The following AGAP1 variants were observed in gnomAD, a reference collection of about 807,000 sequenced individuals.
The protein encoded by AGAP1 is ArfGAP with GTPase domain, ankyrin repeat and PH domain 1, also known as arf-GAP with GTPase, ANK repeat and PH domain-containing protein 1.
AGAP1 carries 29 observed loss-of-function variants against 105.3 expected under a neutral mutation model. That is an observed-to-expected ratio of 0.28 (90% CI 0.21 to 0.38). The LOEUF (loss-of-function observed/expected upper bound fraction) is 0.38. Ranked by LOEUF, AGAP1 falls within the 10% of genes least tolerant of loss-of-function variation. The probability of loss-of-function intolerance (pLI) is 1.00; values close to 1 mark genes in which losing one functional copy is unlikely to be tolerated. For synonymous variants in AGAP1, 509 were observed against 485.9 expected, an observed-to-expected ratio of 1.05 and a Z score of -0.63; for missense variants, 998 against 1,165.1, an observed-to-expected ratio of 0.86 and a Z score of 2.09.
chr2:235,532,521 C>T (rs914477228), intron 1 of AGAP1, among the ~76,000 whole-genome samples: 27 of 152,154 alleles, frequency 1.8e-4, no homozygotes, highest in Admixed American at 1.3e-3. Context: ...TTGTGTTTTA[C>T]GAGGGTTGTA....
chr2:235,971,741 T>TTTTATTTA lies in AGAP1; in HGVS notation c.1645+3157_1645+3164dup, dbSNP rs199729717. 0.018 allele frequency among the ~76,000 whole-genome samples: 2,648 copies of TTTTATTTA among 145,692 alleles called. 60 individuals are homozygous for TTTTATTTA. The highest frequency in any genetic ancestry group is 0.053 in the African/African-American group (2,070 of 38,890). The stretch of plus-strand genomic sequence containing the variant: ...ACTAAAGCTAGTTATATATGTTTTA[T>TTTTATTTA]TTTATTTATTTATTTATTTATTTAT... On this transcript the variant is annotated intron_variant, in intron 13 of 17. Coordinates refer to ENST00000304032, the MANE Select transcript of AGAP1 (RefSeq NM_001037131.3). This position sits in a 1 kb window ranked among gnomAD's most constrained non-coding sequence, Gnocchi z 4.8.
chr2:235,973,340 C>T lies in AGAP1; in HGVS notation c.1645+4717C>T, dbSNP rs1226610380. Among the ~76,000 whole-genome samples the T allele has an allele frequency of 3.9e-5, 6 of 152,168 alleles. No homozygotes were observed. Among genetic ancestry groups the T allele is most frequent in the African/African-American group, 7.2e-5 (3 of 41,438 alleles). On this transcript the variant is annotated intron_variant, in intron 13 of 17. Transcript: ENST00000304032. The surrounding 1 kb of genome is among the most constrained non-coding windows in gnomAD (Gnocchi z 4.7). Reference sequence around the variant, plus strand: ...ATCTGGAAAGTTACAGAAGCAGGGACGGTGACTGGAGAATCCCTTATCTTT... The same window carrying T: ...ATCTGGAAAGTTACAGAAGCAGGGATGGTGACTGGAGAATCCCTTATCTTT...
intron 1 of AGAP1, among the ~76,000 whole-genome samples, chr2:235,589,760 G>A (rs1382567693): frequency 6.6e-6 from 1 of 152,164 alleles, no homozygotes; most frequent in African/African-American, 2.4e-5. Flanking sequence ...TAGTGTTTGT[G>A]TAGCCAGGAG....
chr2:235,686,620 GATATAT>G lies in AGAP1; in HGVS notation c.164-22539_164-22534del, dbSNP rs1194270184. Among the ~76,000 whole-genome samples the G allele has an allele frequency of 1.9e-4, 11 of 57,244 alleles. 1 individual carries two copies. The highest frequency in any genetic ancestry group is 6.9e-4 in the South Asian group (2 of 2,882). 37.6% of individuals were successfully genotyped at this position (57,244 alleles called of 152,430 possible). A position where few individuals can be genotyped will look rare whatever the true frequency, so the allele number is the denominator to read the frequency against. On this transcript the variant is annotated intron_variant, in intron 1 of 17. Coordinates refer to ENST00000304032, the MANE Select transcript of AGAP1 (RefSeq NM_001037131.3). ...GTGTATATATATACGTGGAGATATA[GATATAT>G]ATATATATATATATATATAGATATA...
chr2:235,685,657 G>T (rs1301817083), intron 1 of AGAP1, among the ~76,000 whole-genome samples: 2 of 152,002 alleles, frequency 1.3e-5, no homozygotes, highest in Non-Finnish European at 2.9e-5. Flanking sequence ...GACTAGTCAT[G>T]CCATATTGTT....
At position 235,754,274 on chromosome 2, in the gene AGAP1, G is replaced by T. The variant is rs949434243; in HGVS notation, c.673+3786G>T. Reference sequence around the variant, plus strand: ...CAGCCAGCAGGGCCCCTGCCTGCTCGCCGACTCAGTTTATTCACATTTCTT... The same window carrying T: ...CAGCCAGCAGGGCCCCTGCCTGCTCTCCGACTCAGTTTATTCACATTTCTT... On this transcript the variant is annotated intron_variant, in intron 6 of 17. Transcript: ENST00000304032. The surrounding 1 kb of genome is among the most constrained non-coding windows in gnomAD (Gnocchi z 4.6). Among the ~76,000 whole-genome samples, 10 of 152,158 alleles carry T rather than the reference G, an allele frequency of 6.6e-5. No individual in the cohort carries two copies. The highest frequency in any genetic ancestry group is 4.6e-4 in the Admixed American group (7 of 15,284).
chr2:235,543,859 C>T (rs570124942), intron 1 of AGAP1, among the ~76,000 whole-genome samples: 1 of 152,290 alleles, frequency 6.6e-6, no homozygotes, highest in East Asian at 1.9e-4. Context: ...AGGGGCAACA[C>T]GTGCCCTCTA....
At chr2:235,704,129 A>G (rs547890619) in intron 1 of AGAP1, among the ~76,000 whole-genome samples, 1 of 152,300 alleles carries the variant, frequency 6.6e-6, no homozygotes, top group Non-Finnish European at 1.5e-5. Flanking sequence ...GGGCAGGGCC[A>G]GGTGGGAGAA....
intron 9 of AGAP1, among the ~76,000 whole-genome samples, chr2:235,862,750 A>G (rs908363219): frequency 6.6e-6 from 1 of 152,158 alleles, no homozygotes; most frequent in African/African-American, 2.4e-5. Context: ...GCCTTCACAG[A>G]CCATATGCAC....
At chr2:235,649,619 G>T (rs1176184398) in intron 1 of AGAP1, among the ~76,000 whole-genome samples, 1 of 152,146 alleles carries the variant, frequency 6.6e-6, no homozygotes, top group East Asian at 1.9e-4. Context: ...CAACCTTCCT[G>T]CCTCAGCCTC....
rs1414687533 is a variant in AGAP1, at chr2:235,908,766, A to T, written c.1184A>T (p.Glu395Val). The change falls in exon 11 of 18, where the codon GAG (glutamate) becomes GTG (valine). Residue 395 changes from glutamate to valine, a missense_variant. Physicochemically the swap from Glu to Val is moderately radical, Grantham distance 121. Transcript: ENST00000304032. The surrounding 1 kb of genome is among the most constrained non-coding windows in gnomAD (Gnocchi z 4.4). ...TACATGCAGAATGTTCATGGTAAGG[A>T]GATTGACCTTCTGAGAACCACTGTG... ...HDYMQNVHGK[E>V]IDLLRTTVKV... 1.9e-5 allele frequency: 30 copies of T among 1,613,120 alleles called. No individual in the cohort carries two copies. The highest frequency in any genetic ancestry group is 2.5e-5 in the Non-Finnish European group (30 of 1,179,810).
In AGAP1 at chr2:235,973,070, T is replaced by C. The variant is rs559553017; in HGVS notation, c.1645+4447T>C. The stretch of plus-strand genomic sequence containing the variant: ...CACTTATTCAGAAAGTAAAGGCTAA[T>C]AGTAGGAATCATCAGTACCTGCTGC... On this transcript the variant is annotated intron_variant, in intron 13 of 17. Coordinates refer to ENST00000304032, the MANE Select transcript of AGAP1 (RefSeq NM_001037131.3). This position sits in a 1 kb window ranked among gnomAD's most constrained non-coding sequence, Gnocchi z 4.7. 1.3e-5 allele frequency among the ~76,000 whole-genome samples: 2 copies of C among 152,252 alleles called. No individual in the cohort carries two copies. Among genetic ancestry groups the C allele is most frequent in the Non-Finnish European group, 1.5e-5 (1 of 68,010 alleles).
At position 236,120,344 on chromosome 2, in the gene AGAP1, C is replaced by T. The variant is rs1343736473; in HGVS notation, c.2267C>T (p.Ser756Phe). The change falls in exon 17 of 18, where the codon TCC (serine) becomes TTC (phenylalanine). Residue 756 changes from serine to phenylalanine, a missense_variant. This residue lies in a region of AGAP1 where 235 missense variants were observed against 270.7 expected (regional missense o/e 0.87). Coordinates refer to ENST00000304032, the MANE Select transcript of AGAP1 (RefSeq NM_001037131.3). The surrounding 1 kb of genome is among the most constrained non-coding windows in gnomAD (Gnocchi z 6.0). ...GCCATCCTGCTGCTGGCACACGGCT[C>T]CCGGGACGAGGTGAACGAGACCTGC... Reference protein sequence around the residue: ...RTAILLLAHGSRDEVNETCGE... With the variant: ...RTAILLLAHGFRDEVNETCGE... 1 of 1,612,124 alleles carries T rather than the reference C, an allele frequency of 6.2e-7. No individual in the cohort carries two copies. The highest frequency in any genetic ancestry group is 8.5e-7 in the Non-Finnish European group (1 of 1,179,728).
rs1943751221 is a variant in AGAP1 at position 235,549,925 on chromosome 2, G to A, written c.163+55076G>A. On this transcript the variant is annotated intron_variant, in intron 1 of 17. Transcript: ENST00000304032. The surrounding 1 kb of genome is among the most constrained non-coding windows in gnomAD (Gnocchi z 4.2). ...TGAGAGGCTGGGGACGTTTTCGGAT[G>A]ACCACAGGTGTGAAGCTGTCTTCAG... is the stretch of plus-strand genomic sequence containing the variant. Among the ~76,000 whole-genome samples, 1 of 152,192 alleles carries A rather than the reference G, an allele frequency of 6.6e-6. No homozygotes were observed. Among genetic ancestry groups the A allele is most frequent in the Non-Finnish European group, 1.5e-5 (1 of 68,040 alleles).
At chr2:235,800,206 C>T (rs776256350) in intron 8 of AGAP1, among the ~76,000 whole-genome samples, 6 of 151,514 alleles carry the variant, frequency 4.0e-5, no homozygotes, top group Non-Finnish European at 8.8e-5. Context: ...TCCTGAAATC[C>T]TCCCACTTCA....
In AGAP1 at chr2:235,906,562, G is replaced by C. The variant is rs1017616567; in HGVS notation, c.1156-2176G>C. Reference sequence around the variant, plus strand: ...ATGTAAAGAGGTTCTCCTCCCGCCCGTCCTGCCGTTGAGAATTCCTGCACC... The same window carrying C: ...ATGTAAAGAGGTTCTCCTCCCGCCCCTCCTGCCGTTGAGAATTCCTGCACC... On this transcript the variant is annotated intron_variant, in intron 10 of 17. Coordinates refer to ENST00000304032, the MANE Select transcript of AGAP1 (RefSeq NM_001037131.3). The surrounding 1 kb of genome is among the most constrained non-coding windows in gnomAD (Gnocchi z 5.3). Among the ~76,000 whole-genome samples, 3 of 152,090 alleles carry C rather than the reference G, an allele frequency of 2.0e-5. No individual in the cohort carries two copies. Among genetic ancestry groups the C allele is most frequent in the Admixed American group, 2.0e-4 (3 of 15,280 alleles).
rs543831941 is a variant in AGAP1 at position 235,785,205 on chromosome 2, G to T, written c.674-12554G>T. ...TGGAAATAGGAAAACAGCTTCAGTT[G>T]TGGTAGATACATCCATTTTTCTTAA... On this transcript the variant is annotated intron_variant, in intron 6 of 17. Coordinates refer to ENST00000304032, the MANE Select transcript of AGAP1 (RefSeq NM_001037131.3). Among the ~76,000 whole-genome samples, 5 of 152,328 alleles carry T rather than the reference G, an allele frequency of 3.3e-5. No individual in the cohort carries two copies. In the East Asian group the frequency reaches 9.6e-4, roughly 29 times the overall value.
rs953268561 is a variant in AGAP1 at position 235,600,826 on chromosome 2, C to A, written c.163+105977C>A. Among the ~76,000 whole-genome samples, 3 of 152,226 alleles carry A rather than the reference C, an allele frequency of 2.0e-5. No individual in the cohort carries two copies. The highest frequency in any genetic ancestry group is 1.3e-4 in the Admixed American group (2 of 15,288). The stretch of plus-strand genomic sequence containing the variant: ...AAATGTTAATCTCCTTTGGCAGCGC[C>A]CTCACAGACACACCCAGGATCAATA... On this transcript the variant is annotated intron_variant, in intron 1 of 17. Transcript: ENST00000304032. This position sits in a 1 kb window ranked among gnomAD's most constrained non-coding sequence, Gnocchi z 4.8.
At chr2:235,695,788 C>T (rs997588021) in intron 1 of AGAP1, among the ~76,000 whole-genome samples, 1 of 152,198 alleles carries the variant, frequency 6.6e-6, no homozygotes, top group Non-Finnish European at 1.5e-5. Flanking sequence ...AGCATCTGAG[C>T]TCCAAGCCCA....
Sources: allele counts gnomAD v4.1 joint callset (sites outside exome capture counted in the v4.1 genomes callset), GRCh38; gene constraint gnomAD v4.1.1; regional missense constraint gnomAD v4.1.1; non-coding constraint Gnocchi (gnomAD v3.1); transcripts MANE v1.5; gene names NCBI Gene and HGNC (gene_info 2026-07-23, HGNC 2026-07-21).